MBD2: variants seen among roughly 807,000 people sequenced by gnomAD.
MBD2 encodes the protein methyl-CpG binding domain protein 2.
In MBD2, 9 loss-of-function variants were observed where a neutral mutation model predicts 39.3. That is an observed-to-expected ratio of 0.23 (90% CI 0.14 to 0.40). The LOEUF is 0.40. MBD2 is among the 10% of genes least tolerant of loss of function. The pLI is 1.00. For missense variants in MBD2, 458 were observed against 532.6 expected, an observed-to-expected ratio of 0.86 and a Z score of 1.38; for synonymous variants, 233 against 211.1, an observed-to-expected ratio of 1.10 and a Z score of -0.90.
chr18:54,215,769 A>T (rs1212203914), intron 1 of MBD2, among the ~76,000 whole-genome samples: 1 of 147,172 alleles, frequency 6.8e-6, no homozygotes, highest in African/African-American at 2.5e-5. Context: ...GCTGGGATTA[A>T]AGGTGTGAGC....
At chr18:54,192,274 C>A (rs1164260625) in intron 2 of MBD2, among the ~76,000 whole-genome samples, 1 of 152,216 alleles carries the variant, frequency 6.6e-6, no homozygotes, top group Non-Finnish European at 1.5e-5. Flanking sequence ...TGCTCTATCA[C>A]CAGGCTGGAG....
intron 2 of MBD2, among the ~76,000 whole-genome samples, chr18:54,190,786 A>G (rs1001709909): frequency 1.3e-5 from 2 of 152,172 alleles, no homozygotes; most frequent in African/African-American, 4.8e-5. Flanking sequence ...ACTGAATATT[A>G]TATTTAATAC....
At chr18:54,187,872 A>T (rs2086295030) in intron 3 of MBD2, 1 of 985,480 alleles carries the variant, frequency 1.0e-6, no homozygotes, top group Admixed American at 6.1e-5. Context: ...GGATGTGGGA[A>T]CTGAATTTCT....
intron 2 of MBD2, among the ~76,000 whole-genome samples, chr18:54,197,105 CTG>C (rs905858456): frequency 1.3e-5 from 2 of 152,216 alleles, no homozygotes; most frequent in African/African-American, 4.8e-5. Context: ...ACTCGTTCTA[CTG>C]TCTTTTGCTA....
chr18:54,207,765 C>T lies in MBD2; in HGVS notation c.543-2608G>A, dbSNP rs189471243. Among the ~76,000 whole-genome samples, 729 of 152,256 alleles carry T rather than the reference C, an allele frequency of 4.8e-3. 7 individuals carry two copies. Among genetic ancestry groups the T allele is most frequent in the African/African-American group, 0.016 (663 of 41,532 alleles). On this transcript the variant is annotated intron_variant, in intron 1 of 6. Transcript: ENST00000256429. Reference sequence around the variant, plus strand: ...TATAAAATGCTGCAATAGCCAGGCGCAGTGGTTCATGCCTGTAATCCCAGC... The same window carrying T: ...TATAAAATGCTGCAATAGCCAGGCGTAGTGGTTCATGCCTGTAATCCCAGC...
At chr18:54,205,504 T>A (rs2086441938) in intron 1 of MBD2, among the ~76,000 whole-genome samples, 1 of 148,510 alleles carries the variant, frequency 6.7e-6, no homozygotes, top group East Asian at 2.0e-4. Flanking sequence ...GGCAGGAGAA[T>A]CGCTTGAACT....
rs2086040589 is a variant in MBD2 at position 54,154,624 on chromosome 18, G to A, written c.*700C>T. On this transcript the variant is annotated 3_prime_UTR_variant, in exon 7 of 7. Coordinates refer to ENST00000256429, the MANE Select transcript of MBD2 (RefSeq NM_003927.5). ...CAAGGAAAAAAAATTACACATGCTA[G>A]GTGATATTTAGCAGAAATTCTTAGA... The A allele has an allele frequency of 6.6e-6, 1 of 152,186 alleles. No homozygotes were observed. Among genetic ancestry groups the A allele is most frequent in the South Asian group, 2.1e-4 (1 of 4,832 alleles). 9.4% of individuals were successfully genotyped at this position (152,186 alleles called of 1,614,324 possible). A position where few individuals can be genotyped will look rare whatever the true frequency, so the allele number is the denominator to read the frequency against.
intron 2 of MBD2, among the ~76,000 whole-genome samples, chr18:54,200,539 T>C (rs540318499): frequency 5.0e-4 from 76 of 152,346 alleles, no homozygotes; most frequent in Non-Finnish European, 9.1e-4. Context: ...TCAATTTTAG[T>C]ATCATCTTGC....
chr18:54,170,989 G>C lies in MBD2; in HGVS notation c.841-4823C>G, dbSNP rs182406479. ...AATATATTCCAAGGCCTCATCCCCA[G>C]AGATTCTATTCAATAGATCTGGGAT... On this transcript the variant is annotated intron_variant, in intron 3 of 6. Coordinates refer to ENST00000256429, the MANE Select transcript of MBD2 (RefSeq NM_003927.5). 2.2e-3 allele frequency among the ~76,000 whole-genome samples: 339 copies of C among 152,112 alleles called. 1 individual carries two copies. Among genetic ancestry groups the C allele is most frequent in the Non-Finnish European group, 2.5e-3 (171 of 67,980 alleles).
chr18:54,175,807 C>A (rs564552489), intron 3 of MBD2, among the ~76,000 whole-genome samples: 1 of 152,316 alleles, frequency 6.6e-6, no homozygotes, highest in Admixed American at 6.5e-5. Context: ...CCCTGTCCTA[C>A]TTCACTGATA....
At chr18:54,204,515 G>A (rs530868802) in intron 2 of MBD2, among the ~76,000 whole-genome samples, 42 of 152,022 alleles carry the variant, frequency 2.8e-4, no homozygotes, top group Non-Finnish European at 5.6e-4. Context: ...AAAACTAAGC[G>A]CTAACGGAAA....
intron 1 of MBD2, among the ~76,000 whole-genome samples, chr18:54,215,403 T>C (rs924912172): frequency 6.6e-6 from 1 of 152,062 alleles, no homozygotes; most frequent in African/African-American, 2.4e-5. Context: ...ACGCTTCACA[T>C]TTACAGCAAA....
At position 54,189,726 on chromosome 18, in the gene MBD2, G is replaced by A. The variant is rs544706230; in HGVS notation, c.703-715C>T. Among the ~76,000 whole-genome samples the A allele has an allele frequency of 1.8e-4, 27 of 151,428 alleles. No homozygotes were observed. The East Asian group carries it at 2.4e-3, about 13-fold the overall frequency. On this transcript the variant is annotated intron_variant, in intron 2 of 6. Transcript: ENST00000256429. The stretch of plus-strand genomic sequence containing the variant: ...GCTCAGTGGCATGATCATGGCTCAC[G>A]GCAGCCTTGACCTCCTGGGCTCAAG...
At chr18:54,173,221 A>G (rs1412195299) in intron 3 of MBD2, among the ~76,000 whole-genome samples, 2 of 152,052 alleles carry the variant, frequency 1.3e-5, no homozygotes, top group Non-Finnish European at 2.9e-5. Flanking sequence ...TCTCACCTGG[A>G]CCTAAGGTCA....
At chr18:54,205,591 C>CA (rs10719481) in intron 1 of MBD2, among the ~76,000 whole-genome samples, 1,762 of 90,036 alleles carry the variant, frequency 0.02, 52 homozygotes, top group African/African-American at 0.071. Flanking sequence ...AACTCTATCT[C>CA]AAAAAAAAAA....
intron 2 of MBD2, among the ~76,000 whole-genome samples, chr18:54,200,532 A>T (rs1016363533): frequency 6.6e-6 from 1 of 152,198 alleles, no homozygotes; most frequent in African/African-American, 2.4e-5. Flanking sequence ...CTCCAATTCA[A>T]TTTTAGTATC....
Position 54,155,192 on chromosome 18 carries a change from GT to G in MBD2, c.*131del, listed in dbSNP as rs1205210054. The G allele has an allele frequency of 6.6e-6, 1 of 152,168 alleles. No homozygotes were observed. Among genetic ancestry groups the G allele is most frequent in the African/African-American group, 2.4e-5 (1 of 41,330 alleles). 9.4% of individuals were successfully genotyped at this position (152,168 alleles called of 1,614,324 possible). On this transcript the variant is annotated 3_prime_UTR_variant, in exon 7 of 7. Transcript: ENST00000256429. The stretch of plus-strand genomic sequence containing the variant: ...AATACATCTAAAAAGGCATTGGTTA[GT>G]GCTATTAAAAAGCTCTATGTGCTCG...
chr18:54,163,362 C>T (rs1466882460), intron 5 of MBD2, among the ~76,000 whole-genome samples: 1 of 152,038 alleles, frequency 6.6e-6, no homozygotes, highest in Non-Finnish European at 1.5e-5. Flanking sequence ...AGGAATAATA[C>T]TCAAATTAAA....
intron 1 of MBD2, 60 bp downstream of exon 1, chr18:54,223,958 G>T: frequency 7.0e-7 from 1 of 1,427,400 alleles, no homozygotes; most frequent in Non-Finnish European, 9.5e-7. Flanking sequence ...GCCCAGGCCC[G>T]CTCTTGACCC....
Sources: gnomAD v4.1 joint callset for allele counts (sites outside exome capture counted in the v4.1 genomes callset) on GRCh38, gnomAD v4.1.1 for gene constraint, MANE v1.5 for transcripts, NCBI Gene and HGNC (gene_info 2026-07-23, HGNC 2026-07-21) for gene names.